FBXL17: variants seen among roughly 807,000 people sequenced by gnomAD.
FBXL17 encodes F-box and leucine rich repeat protein 17.
Under a neutral mutation model 66.2 loss-of-function variants are expected in FBXL17, and 22 were observed. The ratio of observed to expected loss-of-function variants is 0.33; its 90% confidence interval spans 0.24 to 0.47. The LOEUF (loss-of-function observed/expected upper bound fraction) is 0.47, where lower values mean the gene tolerates loss of function less well. Ranked by LOEUF, FBXL17 falls within the 20% of genes least tolerant of loss-of-function variation. The pLI, the probability that FBXL17 is intolerant of heterozygous loss-of-function variation, is 1.00. For missense variants in FBXL17, 878 were observed against 948.2 expected (o/e 0.93, Z 0.97); for synonymous variants, 474 against 400.5 (o/e 1.18, Z -2.19).
At chr5:107,940,784 G>A (rs1183296924) in intron 7 of FBXL17, among the ~76,000 whole-genome samples, 1 of 152,126 alleles carries the variant, frequency 6.6e-6, no homozygotes, top group Non-Finnish European at 1.5e-5. Flanking sequence ...ATTTTAAAAG[G>A]CAGGCGTTCT....
At chr5:108,006,414 A>G (rs1009990523) in intron 7 of FBXL17, among the ~76,000 whole-genome samples, 1 of 152,202 alleles carries the variant, frequency 6.6e-6, no homozygotes, top group Non-Finnish European at 1.5e-5. Flanking sequence ...GATGAAAGGT[A>G]GAAAGAAAGT....
At chr5:107,872,633 T>C (rs1748494292) in intron 8 of FBXL17, among the ~76,000 whole-genome samples, 2 of 152,132 alleles carry the variant, frequency 1.3e-5, no homozygotes, top group Non-Finnish European at 2.9e-5. Flanking sequence ...GTCCTGGTAA[T>C]ATAACATAGA....
At chr5:107,924,349 T>C (rs1006175675) in intron 7 of FBXL17, among the ~76,000 whole-genome samples, 1 of 152,210 alleles carries the variant, frequency 6.6e-6, no homozygotes, top group African/African-American at 2.4e-5. Flanking sequence ...GAGAGCCATA[T>C]ACATTTCTAA....
intron 6 of FBXL17, among the ~76,000 whole-genome samples, chr5:108,094,144 C>T (rs1305318720): frequency 6.6e-6 from 1 of 152,104 alleles, no homozygotes; most frequent in Admixed American, 6.6e-5. Context: ...AACACAGGCA[C>T]AAAACGCAAT....
At chr5:108,204,823 T>C (rs9942359) in intron 5 of FBXL17, among the ~76,000 whole-genome samples, 141 of 152,256 alleles carry the variant, frequency 9.3e-4, no homozygotes, top group African/African-American at 3.3e-3. Flanking sequence ...TTTTTAATCA[T>C]TATGGAAATT....
intron 6 of FBXL17, among the ~76,000 whole-genome samples, chr5:108,159,748 T>C (rs766305663): frequency 4.6e-5 from 7 of 152,236 alleles, no homozygotes; most frequent in African/African-American, 1.7e-4. Flanking sequence ...AGTGTTCGGA[T>C]AGACTTTAAA....
intron 6 of FBXL17, among the ~76,000 whole-genome samples, chr5:108,144,959 G>A (rs1279841629): frequency 6.6e-6 from 1 of 152,098 alleles, no homozygotes; most frequent in Non-Finnish European, 1.5e-5. Context: ...AAATGTGATA[G>A]AGAAGCATAA....
chr5:108,264,214 CAAAAAAAAAAAAA>C (rs35346820), intron 4 of FBXL17, among the ~76,000 whole-genome samples: 3 of 55,506 alleles, frequency 5.4e-5, no homozygotes, highest in South Asian at 2.3e-3. Flanking sequence ...GACTCTTTCT[CAAAAAAAAAAAAA>C]AAAAAAAAAA....
At position 107,976,283 on chromosome 5, in the gene FBXL17, A is replaced by G. The variant is rs375492332; in HGVS notation, c.1822+44642T>C. 1.2e-4 allele frequency among the ~76,000 whole-genome samples: 19 copies of G among 152,212 alleles called. No homozygotes were observed. In the East Asian group the frequency reaches 1.3e-3, roughly 11 times the overall value. ...CTCATCCCTGGATTTCCCTCAAACT[A>G]ACAATTACTGAAGTAGGTATAAGAA... On this transcript the variant is annotated intron_variant, in intron 7 of 8. Transcript: ENST00000542267.
At chr5:108,094,596 A>G (rs201730579) in intron 6 of FBXL17, among the ~76,000 whole-genome samples, 2 of 152,160 alleles carry the variant, frequency 1.3e-5, no homozygotes, top group Non-Finnish European at 2.9e-5. Flanking sequence ...ATTCATGTAC[A>G]AAAACAGGTC....
intron 1 of FBXL17, among the ~76,000 whole-genome samples, chr5:108,372,432 G>A (rs1749107737): frequency 6.6e-6 from 1 of 152,114 alleles, no homozygotes; most frequent in South Asian, 2.1e-4. Context: ...TAAACTCAAT[G>A]AATTCCAAGC....
At chr5:108,284,019 T>A (rs745577923) in intron 4 of FBXL17, among the ~76,000 whole-genome samples, 2 of 151,778 alleles carry the variant, frequency 1.3e-5, no homozygotes, top group African/African-American at 4.8e-5. Flanking sequence ...ATAGTTATTA[T>A]CAAAAAGACA....
intron 4 of FBXL17, among the ~76,000 whole-genome samples, chr5:108,339,386 T>C (rs1746728714): frequency 6.6e-6 from 1 of 152,166 alleles, no homozygotes; most frequent in Non-Finnish European, 1.5e-5. Context: ...CATCTAACCT[T>C]ATAAAATTTC....
chr5:108,120,763 T>C (rs1216479872), intron 6 of FBXL17, among the ~76,000 whole-genome samples: 1 of 150,952 alleles, frequency 6.6e-6, no homozygotes, highest in African/African-American at 2.4e-5. Flanking sequence ...AGCCCAGGAG[T>C]TCGAGGTTGC....
At position 107,959,381 on chromosome 5, in the gene FBXL17, A is replaced by AACACACACACACACACAC. The variant is rs57041975; in HGVS notation, c.1822+61526_1822+61543dup. ...TTATTTAACATACAGGGCTGCTATA[A>AACACACACACACACACAC]ACACACACACACACACACACACACA... On this transcript the variant is annotated intron_variant, in intron 7 of 8. Transcript: ENST00000542267. Among the ~76,000 whole-genome samples, 108 of 147,998 alleles carry AACACACACACACACACAC rather than the reference A, an allele frequency of 7.3e-4. 1 individual carries two copies. The highest frequency in any genetic ancestry group is 2.5e-3 in the African/African-American group (101 of 39,636).
At chr5:108,260,120 C>T (rs944252355) in intron 4 of FBXL17, among the ~76,000 whole-genome samples, 1 of 152,052 alleles carries the variant, frequency 6.6e-6, no homozygotes, top group Non-Finnish European at 1.5e-5. Context: ...TTCCATGCTA[C>T]TCTTGCCTCT....
intron 4 of FBXL17, among the ~76,000 whole-genome samples, chr5:108,237,369 C>G (rs1393461552): frequency 1.3e-5 from 2 of 152,102 alleles, no homozygotes; most frequent in Non-Finnish European, 2.9e-5. Context: ...AGTGAGATCT[C>G]TGGGAATATT....
chr5:107,861,571 A>G lies in FBXL17; in HGVS notation c.*149T>C, dbSNP rs1748122806. The G allele has an allele frequency of 1.6e-6, 1 of 616,796 alleles. No individual in the cohort carries two copies. The highest frequency in any genetic ancestry group is 2.4e-6 in the Non-Finnish European group (1 of 424,960). The allele number at this position is 616,796 out of a possible 1,614,324, so 38.2% of individuals were successfully genotyped here. A position where few individuals can be genotyped will look rare whatever the true frequency, so the allele number is the denominator to read the frequency against. On this transcript the variant is annotated 3_prime_UTR_variant, in exon 9 of 9. Coordinates refer to ENST00000542267, the MANE Select transcript of FBXL17 (RefSeq NM_001163315.3). ...AACAAATGACAACTGCACTTTTGGT[A>G]TGCAGTATGCAAACAAGACACAAAT...
Position 108,177,930 on chromosome 5 carries a change from T to TATATATATAC in FBXL17, c.1745+8186_1745+8187insGTATATATAT, listed in dbSNP as rs1554072228. The stretch of plus-strand genomic sequence containing the variant: ...AAAAATGTATATATATATATATATA[T>TATATATATAC]ATACACACACACACTATTACCTCAC... On this transcript the variant is annotated intron_variant, in intron 6 of 8. Transcript: ENST00000542267. 1.6e-5 allele frequency among the ~76,000 whole-genome samples: 2 copies of TATATATATAC among 124,926 alleles called. 1 individual carries two copies. Among genetic ancestry groups the TATATATATAC allele is most frequent in the Non-Finnish European group, 3.6e-5 (2 of 55,070 alleles). The allele number at this position is 124,926 out of a possible 152,430, so 82.0% of individuals were successfully genotyped here. A position where few individuals can be genotyped will look rare whatever the true frequency, so the allele number is the denominator to read the frequency against.
Sources: allele counts gnomAD v4.1 joint callset (sites outside exome capture counted in the v4.1 genomes callset), GRCh38; gene constraint gnomAD v4.1.1; transcripts MANE v1.5; gene names NCBI Gene and HGNC (gene_info 2026-07-23, HGNC 2026-07-21).